Variants in INPP4B observed in about 807,000 individuals in gnomAD.
INPP4B encodes inositol polyphosphate 4-phosphatase type II.
Under a neutral mutation model 122.5 loss-of-function variants are expected in INPP4B, and 55 were observed. The observed-to-expected ratio is 0.45, with a 90% CI of 0.36 to 0.56. The LOEUF is 0.56. Ranked by LOEUF, INPP4B falls within the 20% of genes least tolerant of loss-of-function variation. The pLI is 0.00. For synonymous variants in INPP4B, 403 were observed against 388.7 expected (o/e 1.04, Z -0.43); for missense variants, 1,000 against 1,097.7 (o/e 0.91, Z 1.26).
chr4:142,550,605 C>CGT (rs1553957257), intron 2 of INPP4B, among the ~76,000 whole-genome samples: 6 of 8,924 alleles, frequency 6.7e-4, no homozygotes, highest in Admixed American at 5.1e-3. Flanking sequence ...CACACACACA[C>CGT]ATATATATAT....
intron 7 of INPP4B, among the ~76,000 whole-genome samples, chr4:142,385,254 CAA>C (rs1182358692): frequency 2.0e-5 from 3 of 152,084 alleles, no homozygotes; most frequent in African/African-American, 7.2e-5. Flanking sequence ...TTTTTCTCTG[CAA>C]CATTGCCAGC....
intron 1 of INPP4B, among the ~76,000 whole-genome samples, chr4:142,782,074 T>A (rs889000243): frequency 6.6e-5 from 10 of 152,018 alleles, no homozygotes; most frequent in African/African-American, 2.4e-4. Context: ...GCTGGTGTGC[T>A]GCACCCATTA....
chr4:142,102,368 T>G (rs913061937), intron 23 of INPP4B, among the ~76,000 whole-genome samples: 4 of 151,964 alleles, frequency 2.6e-5, no homozygotes, highest in African/African-American at 9.7e-5. Flanking sequence ...AAGGGTTATA[T>G]GTTAATAATT....
At chr4:142,716,836 G>T (rs1342274754) in intron 2 of INPP4B, among the ~76,000 whole-genome samples, 1 of 152,166 alleles carries the variant, frequency 6.6e-6, no homozygotes, top group Non-Finnish European at 1.5e-5. Context: ...GCAGTAATTT[G>T]TGTCAGTTCT....
chr4:142,443,219 C>G lies in INPP4B; in HGVS notation c.-126-11834G>C, dbSNP rs538085623. On this transcript the variant is annotated intron_variant, in intron 3 of 25. Transcript: ENST00000262992. ...TATAACACTCCTGAGAGCCTTTACTCAAGAGTATTCTGCACTGACTAAAGG... is the reference window on the plus strand; with the variant it reads ...TATAACACTCCTGAGAGCCTTTACTGAAGAGTATTCTGCACTGACTAAAGG... Among the ~76,000 whole-genome samples, 7 of 152,240 alleles carry G rather than the reference C, an allele frequency of 4.6e-5. No individual in the cohort carries two copies. In the South Asian group the frequency reaches 1.5e-3, roughly 32 times the overall value.
At chr4:142,635,814 C>CT (rs756730332) in intron 2 of INPP4B, among the ~76,000 whole-genome samples, 38 of 152,140 alleles carry the variant, frequency 2.5e-4, no homozygotes, top group Non-Finnish European at 4.9e-4. Context: ...CATGACATGA[C>CT]TTTACCTACA....
intron 25 of INPP4B, among the ~76,000 whole-genome samples, chr4:142,078,706 ATACT>A (rs1425326600): frequency 1.3e-5 from 2 of 152,014 alleles, no homozygotes; most frequent in African/African-American, 2.4e-5. Flanking sequence ...ACAATAGAAA[ATACT>A]TAATATAGAT....
intron 11 of INPP4B, among the ~76,000 whole-genome samples, chr4:142,249,436 C>T (rs1730831765): frequency 6.6e-6 from 1 of 151,996 alleles, no homozygotes; most frequent in South Asian, 2.1e-4. Flanking sequence ...TGTTCTATCA[C>T]TGGTCAGACT....
At chr4:142,304,002 G>A (rs1003973284) in intron 9 of INPP4B, among the ~76,000 whole-genome samples, 2 of 152,088 alleles carry the variant, frequency 1.3e-5, no homozygotes, top group African/African-American at 4.8e-5. Context: ...CTAGTGTGTA[G>A]TATGCTCCTG....
intron 7 of INPP4B, among the ~76,000 whole-genome samples, chr4:142,368,914 C>T (rs538972100): frequency 7.2e-5 from 11 of 151,922 alleles, no homozygotes; most frequent in East Asian, 1.9e-4. Flanking sequence ...AGACATTTGC[C>T]GAGTTAAGCC....
chr4:142,263,680 A>ATATATAT (rs61694410), intron 10 of INPP4B, among the ~76,000 whole-genome samples: 401 of 81,662 alleles, frequency 4.9e-3, no homozygotes, highest in East Asian at 8.4e-3. Context: ...ATATATATAT[A>ATATATAT]ACATTGAACA....
intron 12 of INPP4B, among the ~76,000 whole-genome samples, chr4:142,225,407 T>G (rs980439457): frequency 4.6e-5 from 7 of 152,024 alleles, no homozygotes; most frequent in Admixed American, 4.6e-4. Flanking sequence ...GACAGCCTAT[T>G]GTGGGACTTC....
At chr4:142,232,952 TGA>T (rs1344039108) in intron 12 of INPP4B, among the ~76,000 whole-genome samples, 1 of 152,090 alleles carries the variant, frequency 6.6e-6, no homozygotes, top group Non-Finnish European at 1.5e-5. Context: ...CTATAAAGGC[TGA>T]GAGAGGTGAG....
intron 12 of INPP4B, among the ~76,000 whole-genome samples, chr4:142,222,161 T>C (rs1849643763): frequency 6.6e-6 from 1 of 152,216 alleles, no homozygotes; most frequent in African/African-American, 2.4e-5. Context: ...GGTTTCACCA[T>C]GTTAGCCAAG....
chr4:142,292,373 T>C (rs894368434), intron 9 of INPP4B, among the ~76,000 whole-genome samples: 8 of 152,198 alleles, frequency 5.3e-5, no homozygotes, highest in Admixed American at 6.5e-5. Flanking sequence ...GCAATTCATT[T>C]TTCCTGATAC....
chr4:142,807,368 G>A (rs573958681), intron 1 of INPP4B, among the ~76,000 whole-genome samples: 9 of 152,284 alleles, frequency 5.9e-5, no homozygotes, highest in Admixed American at 5.9e-4. Context: ...TAATAAATGT[G>A]TAAAGTAGCA....
intron 15 of INPP4B, among the ~76,000 whole-genome samples, chr4:142,174,544 T>G: frequency 6.6e-6 from 1 of 152,138 alleles, no homozygotes; most frequent in Middle Eastern, 3.2e-3. Flanking sequence ...ATAGTGTTAT[T>G]TTATCACGAC....
intron 23 of INPP4B, among the ~76,000 whole-genome samples, chr4:142,097,943 C>A (rs1188336224): frequency 6.6e-6 from 1 of 152,082 alleles, no homozygotes; most frequent in Non-Finnish European, 1.5e-5. Flanking sequence ...AGCTTACATT[C>A]TGGTAAGGAG....
At chr4:142,267,609 T>C (rs1435094400) in intron 10 of INPP4B, among the ~76,000 whole-genome samples, 6 of 152,088 alleles carry the variant, frequency 3.9e-5, no homozygotes, top group African/African-American at 1.4e-4. Flanking sequence ...CCTAAAACTA[T>C]AAAAGTACTA....
Sources: gnomAD v4.1 joint callset for allele counts (sites outside exome capture counted in the v4.1 genomes callset) on GRCh38, gnomAD v4.1.1 for gene constraint, MANE v1.5 for transcripts, NCBI Gene and HGNC (gene_info 2026-07-23, HGNC 2026-07-21) for gene names.